Variants in CCDC102B observed in about 807,000 individuals in gnomAD.
CCDC102B encodes the protein coiled-coil domain-containing protein 102B.
CCDC102B carries 75 observed loss-of-function variants against 57.4 expected under a neutral mutation model. The observed-to-expected ratio is 1.31, with a 90% CI of 1.08 to 1.58. CCDC102B has a LOEUF of 1.58. Ranked by LOEUF, CCDC102B falls within the 40% of genes most tolerant of loss-of-function variation. The pLI is 0.00. For missense variants in CCDC102B, 636 were observed against 582.6 expected (o/e 1.09, Z -0.94); for synonymous variants, 206 against 201.9 (o/e 1.02, Z -0.17).
At chr18:68,918,883 C>G (rs1431682040) in intron 6 of CCDC102B, among the ~76,000 whole-genome samples, 2 of 151,782 alleles carry the variant, frequency 1.3e-5, no homozygotes, top group African/African-American at 2.4e-5. Flanking sequence ...TAAGAAAAAC[C>G]AGAGAATTGA....
At chr18:69,003,637 A>G (rs1199398506) in intron 6 of CCDC102B, among the ~76,000 whole-genome samples, 1 of 152,324 alleles carries the variant, frequency 6.6e-6, no homozygotes, top group South Asian at 2.1e-4. Context: ...ATGAGCACAT[A>G]AAACAGTCTC....
intron 7 of CCDC102B, among the ~76,000 whole-genome samples, chr18:69,014,978 A>AGTGT (rs3035604): frequency 0.058 from 8,149 of 139,300 alleles, 268 homozygotes; most frequent in Middle Eastern, 0.11. Context: ...AGAGAGAGAG[A>AGTGT]GTGTGTGTGT....
chr18:68,853,756 C>G (rs1358132616), intron 4 of CCDC102B, among the ~76,000 whole-genome samples: 1 of 146,034 alleles, frequency 6.8e-6, no homozygotes, highest in Non-Finnish European at 1.5e-5. Flanking sequence ...TAGGTTAACC[C>G]CAAGACTCCA....
intron 3 of CCDC102B, among the ~76,000 whole-genome samples, chr18:68,839,394 T>C (rs1599546353): frequency 6.6e-6 from 1 of 152,240 alleles, no homozygotes. Flanking sequence ...GGCCTGGATA[T>C]TCATCTTTGG....
At chr18:68,844,150 T>C (rs2037753954) in intron 3 of CCDC102B, among the ~76,000 whole-genome samples, 1 of 151,938 alleles carries the variant, frequency 6.6e-6, no homozygotes, top group Admixed American at 6.6e-5. Context: ...ACTATTACTT[T>C]CTTTGAAAAT....
chr18:68,761,211 C>T (rs752677293), intron 2 of CCDC102B, among the ~76,000 whole-genome samples: 2 of 152,060 alleles, frequency 1.3e-5, no homozygotes, highest in Admixed American at 1.3e-4. Flanking sequence ...TCATGGCCTC[C>T]CACAAGTTAC....
intron 7 of CCDC102B, among the ~76,000 whole-genome samples, chr18:69,011,724 G>T (rs2145395495): frequency 6.6e-6 from 1 of 151,642 alleles, no homozygotes; most frequent in Non-Finnish European, 1.5e-5. Flanking sequence ...GTCACTGATT[G>T]TGGGACTGTC....
At chr18:69,034,814 T>C (rs974359773) in intron 7 of CCDC102B, among the ~76,000 whole-genome samples, 5 of 151,850 alleles carry the variant, frequency 3.3e-5, no homozygotes, top group African/African-American at 1.2e-4. Flanking sequence ...TATATGTATA[T>C]TTACATATAC....
rs2052652314 is a variant in CCDC102B at position 69,049,546 on chromosome 18, G to A, written c.1435-4484G>A. 2.0e-5 allele frequency among the ~76,000 whole-genome samples: 3 copies of A among 152,038 alleles called. No homozygotes were observed. In the South Asian group the frequency reaches 6.2e-4, roughly 32 times the overall value. On this transcript the variant is annotated intron_variant, in intron 7 of 7. Transcript: ENST00000360242. ...AATATTCAATTGGAAGAATAAAGGT[G>A]CTAAAAATTACTGTGTGGAAGGGAG...
intron 4 of CCDC102B, among the ~76,000 whole-genome samples, chr18:68,868,680 T>C (rs2039108836): frequency 6.6e-6 from 1 of 152,212 alleles, no homozygotes; most frequent in Non-Finnish European, 1.5e-5. Flanking sequence ...ACCCTTATGC[T>C]AATTGATATT....
chr18:68,849,125 T>C (rs1375434410), intron 4 of CCDC102B, among the ~76,000 whole-genome samples: 1 of 152,100 alleles, frequency 6.6e-6, no homozygotes, highest in Non-Finnish European at 1.5e-5. Flanking sequence ...ATTGAAGCCT[T>C]ATTTTAAACA....
intron 1 of CCDC102B, among the ~76,000 whole-genome samples, chr18:68,823,141 G>T (rs1285615126): frequency 1.3e-5 from 2 of 152,152 alleles, no homozygotes; most frequent in African/African-American, 4.8e-5. Context: ...TGAGTCATGG[G>T]CCAATGCTTC....
chr18:68,854,162 G>A (rs559958428), intron 4 of CCDC102B, among the ~76,000 whole-genome samples: 115 of 151,306 alleles, frequency 7.6e-4, no homozygotes, highest in African/African-American at 2.7e-3. Context: ...GTCCAGTGGC[G>A]CGATCTCCGC....
chr18:68,752,233 C>G (rs1479812414), intron 2 of CCDC102B, among the ~76,000 whole-genome samples: 1 of 151,984 alleles, frequency 6.6e-6, no homozygotes, highest in Non-Finnish European at 1.5e-5. Flanking sequence ...GCACTCCAGC[C>G]TGGGTGACAG....
rs546050126 is a variant in CCDC102B at position 68,996,890 on chromosome 18, G to A, written c.1264-14044G>A. Among the ~76,000 whole-genome samples the A allele has an allele frequency of 7.9e-5, 12 of 152,274 alleles. No homozygotes were observed. In the South Asian group the frequency reaches 2.5e-3, roughly 32 times the overall value. On this transcript the variant is annotated intron_variant, in intron 6 of 7. Coordinates refer to ENST00000360242, the MANE Select transcript of CCDC102B (RefSeq NM_024781.3). ...GGGAAGAATGATATGGCTAGGCTTTGTTGTCCCCACCCAAATCTCATCTTG... is the reference window on the plus strand; with the variant it reads ...GGGAAGAATGATATGGCTAGGCTTTATTGTCCCCACCCAAATCTCATCTTG...
intron 2 of CCDC102B, among the ~76,000 whole-genome samples, chr18:68,741,713 A>ACACACACACC (rs1393809459): frequency 3.1e-5 from 3 of 97,676 alleles, no homozygotes; most frequent in African/African-American, 1.3e-4. Context: ...ACACACACAC[A>ACACACACACC]CCCCAAGACA....
intron 5 of CCDC102B, among the ~76,000 whole-genome samples, chr18:68,880,809 CTAG>C (rs1478299391): frequency 9.2e-5 from 14 of 152,128 alleles, no homozygotes; most frequent in Middle Eastern, 3.4e-3. Context: ...CTTTTTAATC[CTAG>C]TAGTCACAAG....
chr18:68,986,101 C>G (rs944083234), intron 6 of CCDC102B, among the ~76,000 whole-genome samples: 1 of 152,114 alleles, frequency 6.6e-6, no homozygotes, highest in African/African-American at 2.4e-5. Flanking sequence ...TGTTACCATT[C>G]CTACTGTAAC....
chr18:68,758,698 C>A (rs1467488715), intron 2 of CCDC102B, among the ~76,000 whole-genome samples: 3 of 149,298 alleles, frequency 2.0e-5, no homozygotes, highest in African/African-American at 7.5e-5. Flanking sequence ...TAAAACTAGT[C>A]ATTCCTTTTT....
Sources: gnomAD v4.1 joint callset for allele counts (sites outside exome capture counted in the v4.1 genomes callset) on GRCh38, gnomAD v4.1.1 for gene constraint, MANE v1.5 for transcripts, NCBI Gene and HGNC (gene_info 2026-07-23, HGNC 2026-07-21) for gene names.